The following EXOC2 variants were observed in gnomAD, a reference collection of about 807,000 sequenced individuals.
EXOC2 encodes the protein SEC5-like 1.
EXOC2 carries 70 observed loss-of-function variants against 131.8 expected under a neutral mutation model. The observed-to-expected ratio is 0.53, with a 90% CI of 0.44 to 0.65. EXOC2 has a LOEUF of 0.65. EXOC2 is among the 30% of genes least tolerant of loss of function. EXOC2 has a pLI of 0.00. For missense variants in EXOC2, 923 were observed against 1,108.6 expected, an observed-to-expected ratio of 0.83 and a Z score of 2.38; for synonymous variants, 411 against 398.4, an observed-to-expected ratio of 1.03 and a Z score of -0.38.
At chr6:665,149 G>C (rs1199023752) in intron 1 of EXOC2, among the ~76,000 whole-genome samples, 1 of 152,134 alleles carries the variant, frequency 6.6e-6, no homozygotes, top group East Asian at 1.9e-4. Flanking sequence ...CTCAAAAGAA[G>C]ATATACAAAT....
intron 22 of EXOC2, among the ~76,000 whole-genome samples, chr6:542,692 A>G (rs1204766380): frequency 1.3e-5 from 2 of 152,268 alleles, no homozygotes; most frequent in South Asian, 2.1e-4. Context: ...CACAAGCTAC[A>G]GATAAATGTT....
chr6:612,820 C>T (rs533600159), intron 6 of EXOC2, among the ~76,000 whole-genome samples: 1 of 152,220 alleles, frequency 6.6e-6, no homozygotes, highest in Non-Finnish European at 1.5e-5. Context: ...CTTTTTACCC[C>T]AGTGTACCAT....
intron 1 of EXOC2, among the ~76,000 whole-genome samples, chr6:677,223 C>A (rs866985670): frequency 6.7e-6 from 1 of 148,286 alleles, no homozygotes; most frequent in African/African-American, 2.5e-5. Flanking sequence ...GGAGACTCTG[C>A]GGTTCCCCAT....
In EXOC2 at chr6:576,860, G is replaced by A. The variant is rs1758613858; in HGVS notation, c.1215C>T (p.Pro405=). 6.2e-7 allele frequency: 1 copy of A among 1,613,920 alleles called. No homozygotes were observed. The highest frequency in any genetic ancestry group is 8.5e-7 in the Non-Finnish European group (1 of 1,180,004). The change falls in exon 12 of 28, where the codon CCC becomes CCT. Residue 405 remains proline, a synonymous_variant. Coordinates refer to ENST00000230449, the MANE Select transcript of EXOC2 (RefSeq NM_018303.6). ...DLKGNPGLHS[P]MLDLDNDTRP... is the part of the protein sequence containing the mutation. Reference sequence around the variant, plus strand: ...GTGTATCATTATCAAGATCCAACATGGGACTGTGCAGGCCTGGGTTACCTG... The same window carrying A: ...GTGTATCATTATCAAGATCCAACATAGGACTGTGCAGGCCTGGGTTACCTG...
rs1013634201 is a variant in EXOC2, at chr6:576,006, A to C, written c.1318+751T>G. 3.3e-5 allele frequency among the ~76,000 whole-genome samples: 5 copies of C among 152,206 alleles called. No individual in the cohort carries two copies. The South Asian group carries it at 1.0e-3, about 31-fold the overall frequency. On this transcript the variant is annotated intron_variant, in intron 12 of 27. Coordinates refer to ENST00000230449, the MANE Select transcript of EXOC2 (RefSeq NM_018303.6). ...TAATTTTAAGGTGCTCTTATGATGA[A>C]CATTCATTTATATTAATAAAACCTT...
chr6:600,336 T>C (rs1468955873), intron 7 of EXOC2, among the ~76,000 whole-genome samples: 1 of 152,214 alleles, frequency 6.6e-6, no homozygotes, highest in Non-Finnish European at 1.5e-5. Context: ...AAAAATATAT[T>C]TCCTTCTTGC....
rs1218176531 is a variant in EXOC2, at chr6:506,038, G to A, written c.2381-6338C>T. On this transcript the variant is annotated intron_variant, in intron 23 of 27. Transcript: ENST00000230449. This position sits in a 1 kb window ranked among gnomAD's most constrained non-coding sequence, Gnocchi z 4.4. ...GTAAGTGCCTCGGCATACATGGAAA[G>A]AAGGTATTCCTTGGGAAAGCATACA... Among the ~76,000 whole-genome samples the A allele has an allele frequency of 6.6e-6, 1 of 152,228 alleles. No homozygotes were observed. The highest frequency in any genetic ancestry group is 2.4e-5 in the African/African-American group (1 of 41,466).
At chr6:656,973 T>C (rs369056858) in intron 1 of EXOC2, 146 of 1,484,972 alleles carry the variant, frequency 9.8e-5, no homozygotes, top group Non-Finnish European at 1.3e-4. Flanking sequence ...GCTGGGGGCC[T>C]CTGAGGGGGA....
chr6:542,832 AG>A (rs1174609262), intron 22 of EXOC2, among the ~76,000 whole-genome samples: 2 of 152,196 alleles, frequency 1.3e-5, no homozygotes, highest in Non-Finnish European at 2.9e-5. Context: ...AAGGTGTTGG[AG>A]TAGGGGGACA....
chr6:615,342 T>C (rs2127672315), intron 6 of EXOC2, among the ~76,000 whole-genome samples: 1 of 152,106 alleles, frequency 6.6e-6, no homozygotes. Flanking sequence ...CCTGGTGTGA[T>C]GAAACAGGAA....
At chr6:537,485 A>T (rs1164719380) in intron 22 of EXOC2, among the ~76,000 whole-genome samples, 1 of 142,922 alleles carries the variant, frequency 7.0e-6, no homozygotes, top group African/African-American at 2.6e-5. Flanking sequence ...TACACTCAAG[A>T]TGATGACCGA....
chr6:627,269 C>T (rs976740571), intron 4 of EXOC2, among the ~76,000 whole-genome samples: 8 of 146,718 alleles, frequency 5.5e-5, no homozygotes, highest in Non-Finnish European at 1.2e-4. Flanking sequence ...AAAAAAGAAG[C>T]CTGGAAAAGC....
At chr6:532,445 T>C (rs77649909) in intron 23 of EXOC2, 24 bp downstream of exon 23, 7 of 1,529,168 alleles carry the variant, frequency 4.6e-6, no homozygotes, top group Non-Finnish European at 4.4e-6. Context: ...CCACATCTAT[T>C]ACTCAAGAAA....
chr6:507,040 ACACACACACACAGAGCAGTGATCC>A, intron 23 of EXOC2, among the ~76,000 whole-genome samples: 2 of 150,052 alleles, frequency 1.3e-5, no homozygotes, highest in East Asian at 2.0e-4. Flanking sequence ...GTGACCACAC[ACACACACACACAGAGCAGTGATCC>A]CACACACACA....
At chr6:656,466 G>C (rs773687295) in intron 1 of EXOC2, 7 of 1,612,110 alleles carry the variant, frequency 4.3e-6, no homozygotes, top group Non-Finnish European at 5.9e-6. Context: ...CCTCCAGCGC[G>C]GCAGGCGGAT....
At chr6:619,610 T>A in intron 4 of EXOC2, 67 bp from the exon 5 acceptor site, 1 of 1,017,760 alleles carries the variant, frequency 9.8e-7, no homozygotes, top group Non-Finnish European at 1.5e-6. Flanking sequence ...AAGGTATCAC[T>A]AAGTATCCAG....
chr6:668,625 C>A (rs1763721340), intron 1 of EXOC2, among the ~76,000 whole-genome samples: 2 of 152,114 alleles, frequency 1.3e-5, no homozygotes. Context: ...TAATCGTACC[C>A]CATGTATACT....
intron 27 of EXOC2, among the ~76,000 whole-genome samples, chr6:487,056 T>G (rs1039021080): frequency 1.3e-5 from 2 of 152,238 alleles, no homozygotes; most frequent in Non-Finnish European, 2.9e-5. Context: ...TATTCTTTTT[T>G]AGAAATTCAA....
At chr6:562,464 A>G (rs1052256879) in intron 17 of EXOC2, among the ~76,000 whole-genome samples, 4 of 152,242 alleles carry the variant, frequency 2.6e-5, no homozygotes, top group Non-Finnish European at 4.4e-5. Flanking sequence ...CATCTCTTCT[A>G]TCCTGCTTTC....
Sources: gnomAD v4.1 joint callset for allele counts (sites outside exome capture counted in the v4.1 genomes callset) on GRCh38, gnomAD v4.1.1 for gene constraint, Gnocchi (gnomAD v3.1) non-coding constraint, MANE v1.5 for transcripts, NCBI Gene and HGNC (gene_info 2026-07-23, HGNC 2026-07-21) for gene names.